Variants in LLPH observed in about 807,000 individuals in gnomAD.
LLPH encodes protein LLP homolog.
In LLPH, 5 loss-of-function variants were observed where a neutral mutation model predicts 13.3. That is an observed-to-expected ratio of 0.38 (90% CI 0.20 to 0.79). The LOEUF (loss-of-function observed/expected upper bound fraction) is 0.79. Ranked by LOEUF, LLPH falls within the 30% of genes least tolerant of loss-of-function variation. LLPH has a pLI of 0.45. For synonymous variants in LLPH, 32 were observed against 44.2 expected, an observed-to-expected ratio of 0.72 and a Z score of 1.09; for missense variants, 129 against 152.1, an observed-to-expected ratio of 0.85 and a Z score of 0.80.
At position 66,120,372 on chromosome 12, in the gene LLPH, A is replaced by G. The variant is rs999751103; in HGVS notation, c.*3468T>C. Reference sequence around the variant, plus strand: ...GGCATTGTAAGAGTATAGGCTCTAGAGCCACACTGCCTAAATTTGAATCCC... The same window carrying G: ...GGCATTGTAAGAGTATAGGCTCTAGGGCCACACTGCCTAAATTTGAATCCC... On this transcript the variant is annotated 3_prime_UTR_variant, in exon 3 of 3. Transcript: ENST00000266604. The G allele has an allele frequency of 2.6e-5, 4 of 152,202 alleles. No homozygotes were observed. Among genetic ancestry groups the G allele is most frequent in the Non-Finnish European group, 4.4e-5 (3 of 68,036 alleles). The allele number at this position is 152,202 out of a possible 1,614,324, so 9.4% of individuals were successfully genotyped here.
chr12:66,128,959 C>T lies in LLPH; in HGVS notation c.148G>A (p.Val50Met), dbSNP rs772927284. 2.0e-5 allele frequency: 33 copies of T among 1,613,448 alleles called. No homozygotes were observed. Among genetic ancestry groups the T allele is most frequent in the Non-Finnish European group, 2.6e-5 (31 of 1,179,640 alleles). Residue 50 changes from valine to methionine, a missense_variant, in exon 2 of 3, where the codon GTG becomes ATG. Transcript: ENST00000266604. ...LMKDVQEIAT[V>M]VVPKPKHCQE... ...CAATGTTTGGGTTTGGGTACCACCA[C>T]AGTTGCTATCTCTTGAACATCTTTC... is the stretch of plus-strand genomic sequence containing the variant.
intron 2 of LLPH, among the ~76,000 whole-genome samples, chr12:66,127,633 C>T (rs1390313021): frequency 6.6e-6 from 1 of 152,090 alleles, no homozygotes; most frequent in African/African-American, 2.4e-5. Flanking sequence ...GAACTGTACA[C>T]TTTAAAATGG....
At chr12:66,126,638 A>C (rs11176048) in intron 2 of LLPH, among the ~76,000 whole-genome samples, 11,687 of 152,180 alleles carry the variant, frequency 0.077, 1,031 homozygotes, top group East Asian at 0.51. Flanking sequence ...TCAGCATATG[A>C]AAAAATGTTC....
At position 66,122,564 on chromosome 12, in the gene LLPH, T is replaced by G. The variant is rs2051469765; in HGVS notation, c.*1276A>C. Reference sequence around the variant, plus strand: ...AGTGAAATTCAGAGGGAATGCTAAGTTTAGATTGCTTAACTAAAAGTAAAA... The same window carrying G: ...AGTGAAATTCAGAGGGAATGCTAAGGTTAGATTGCTTAACTAAAAGTAAAA... On this transcript the variant is annotated 3_prime_UTR_variant, in exon 3 of 3. Coordinates refer to ENST00000266604, the MANE Select transcript of LLPH (RefSeq NM_032338.4). 1 of 152,164 alleles carries G rather than the reference T, an allele frequency of 6.6e-6. No individual in the cohort carries two copies. Among genetic ancestry groups the G allele is most frequent in the South Asian group, 2.1e-4 (1 of 4,830 alleles). 9.4% of individuals were successfully genotyped at this position (152,164 alleles called of 1,614,324 possible).
chr12:66,128,848 CAAAA>C (rs71096072), intron 2 of LLPH, 44 bp downstream of exon 2: 8,133 of 973,640 alleles, frequency 8.4e-3, no homozygotes, highest in Non-Finnish European at 8.9e-3. Flanking sequence ...GACCCTGCCT[CAAAA>C]AAAAAAAAAA....
At position 66,120,347 on chromosome 12, in the gene LLPH, G is replaced by A. The variant is rs2051455287; in HGVS notation, c.*3493C>T. ...TTTGCACATCCTTGAGAGGCAGAAT[G>A]GCATTGTAAGAGTATAGGCTCTAGA... On this transcript the variant is annotated 3_prime_UTR_variant, in exon 3 of 3. Transcript: ENST00000266604. 3 of 152,276 alleles carry A rather than the reference G, an allele frequency of 2.0e-5. No individual in the cohort carries two copies. The highest frequency in any genetic ancestry group is 4.1e-4 in the South Asian group (2 of 4,826). The allele number at this position is 152,276 out of a possible 1,614,324, so 9.4% of individuals were successfully genotyped here. A position where few individuals can be genotyped will look rare whatever the true frequency, so the allele number is the denominator to read the frequency against.
chr12:66,129,157 TA>T, intron 1 of LLPH, 44 bp from the exon 2 acceptor site: 2 of 1,342,770 alleles, frequency 1.5e-6, no homozygotes, highest in Non-Finnish European at 1.0e-6. Context: ...ATCTTTAATA[TA>T]AAAAAGAAAA....
intron 2 of LLPH, among the ~76,000 whole-genome samples, chr12:66,125,143 T>C (rs1346961717): frequency 6.6e-6 from 1 of 152,186 alleles, no homozygotes. Context: ...GGCAGTGATA[T>C]AAACTGATTT....
intron 2 of LLPH, among the ~76,000 whole-genome samples, chr12:66,125,445 G>C (rs1445136995): frequency 6.6e-6 from 1 of 152,108 alleles, no homozygotes; most frequent in African/African-American, 2.4e-5. Context: ...TAGAAATAAG[G>C]AAAAACATGA....
At position 66,122,096 on chromosome 12, in the gene LLPH, T is replaced by C. The variant is rs1284129505; in HGVS notation, c.*1744A>G. On this transcript the variant is annotated 3_prime_UTR_variant, in exon 3 of 3. Coordinates refer to ENST00000266604, the MANE Select transcript of LLPH (RefSeq NM_032338.4). ...TTTCAATTCATATCTTTCTTAGCTGTTAAGAAATTTTAAGCATTTAAAGTT... is the reference window on the plus strand; with the variant it reads ...TTTCAATTCATATCTTTCTTAGCTGCTAAGAAATTTTAAGCATTTAAAGTT... The C allele has an allele frequency of 6.6e-6, 1 of 152,166 alleles. No individual in the cohort carries two copies. The highest frequency in any genetic ancestry group is 1.5e-5 in the Non-Finnish European group (1 of 68,028). 9.4% of individuals were successfully genotyped at this position (152,166 alleles called of 1,614,324 possible). A position where few individuals can be genotyped will look rare whatever the true frequency, so the allele number is the denominator to read the frequency against.
Position 66,124,007 on chromosome 12 carries a change from T to C in LLPH, c.223A>G (p.Met75Val). Residue 75 changes from methionine to valine, a missense_variant, in exon 3 of 3, where the codon ATG becomes GTG. Physicochemically the swap from Met to Val is conservative, Grantham distance 21. Transcript: ENST00000266604. The stretch of plus-strand genomic sequence containing the variant: ...TTGTTTCTCTTAATATCAGTCTCCA[T>C]TTTCATGTCATCTGCATAAAAAGAT... ...EVKDEKDDMK[M>V]ETDIKRNKKT... The C allele has an allele frequency of 2.5e-6, 4 of 1,599,230 alleles. No homozygotes were observed. The South Asian group carries it at 4.6e-5, about 18-fold the overall frequency.
chr12:66,130,084 T>A (rs1019186735), intron 1 of LLPH, among the ~76,000 whole-genome samples: 3 of 151,976 alleles, frequency 2.0e-5, no homozygotes, highest in African/African-American at 7.3e-5. Context: ...CTGTAAAGAG[T>A]CCAAACTATC....
intron 2 of LLPH, among the ~76,000 whole-genome samples, chr12:66,125,533 C>A (rs1224129176): frequency 6.6e-6 from 1 of 152,112 alleles, no homozygotes; most frequent in African/African-American, 2.4e-5. Context: ...CTCAGTCTCA[C>A]CACCCTTTAG....
intron 2 of LLPH, among the ~76,000 whole-genome samples, chr12:66,124,981 C>T (rs1407282339): frequency 6.6e-6 from 1 of 152,048 alleles, no homozygotes; most frequent in Non-Finnish European, 1.5e-5. Flanking sequence ...TCATTTGAGG[C>T]CAGGAGTTCA....
rs148116048 is a variant in LLPH at position 66,118,655 on chromosome 12, G to A, written c.*5185C>T. On this transcript the variant is annotated 3_prime_UTR_variant, in exon 3 of 3. Transcript: ENST00000266604. Reference sequence around the variant, plus strand: ...ATAGGCTATATCACATAGCCTAAGTGTAGTAGACGATACCCTCTAGATTTG... The same window carrying A: ...ATAGGCTATATCACATAGCCTAAGTATAGTAGACGATACCCTCTAGATTTG... The A allele has an allele frequency of 1.4e-3, 213 of 152,290 alleles. 3 individuals carry two copies. The highest frequency in any genetic ancestry group is 4.9e-3 in the African/African-American group (203 of 41,550). 9.4% of individuals were successfully genotyped at this position (152,290 alleles called of 1,614,324 possible).
chr12:66,117,194 T>C lies in LLPH; in HGVS notation c.*6646A>G, dbSNP rs796619573. The C allele has an allele frequency of 1.1e-4, 17 of 152,336 alleles. No individual in the cohort carries two copies. Among genetic ancestry groups the C allele is most frequent in the African/African-American group, 3.8e-4 (16 of 41,582 alleles). 9.4% of individuals were successfully genotyped at this position (152,336 alleles called of 1,614,324 possible). A position where few individuals can be genotyped will look rare whatever the true frequency, so the allele number is the denominator to read the frequency against. On this transcript the variant is annotated 3_prime_UTR_variant, in exon 3 of 3. Transcript: ENST00000266604. ...GGGCTTCGTCCTGAGATAAAAAATATTCAAAAGAAAACTACAGTTGCATCT... is the reference window on the plus strand; with the variant it reads ...GGGCTTCGTCCTGAGATAAAAAATACTCAAAAGAAAACTACAGTTGCATCT...
At chr12:66,129,287 G>A (rs2051518225) in intron 1 of LLPH, among the ~76,000 whole-genome samples, 174 bp from the exon 2 acceptor site, 2 of 152,026 alleles carry the variant, frequency 1.3e-5, no homozygotes, top group Admixed American at 1.3e-4. Context: ...AGATCAACAT[G>A]GTACATACAC....
rs962521554 is a variant in LLPH, at chr12:66,117,299, T to C, written c.*6541A>G. On this transcript the variant is annotated 3_prime_UTR_variant, in exon 3 of 3. Coordinates refer to ENST00000266604, the MANE Select transcript of LLPH (RefSeq NM_032338.4). ...ACAACTATTTACATAGCATTTTCATTGTATTATAAGTAATCTAGAGATGAT... is the reference window on the plus strand; with the variant it reads ...ACAACTATTTACATAGCATTTTCATCGTATTATAAGTAATCTAGAGATGAT... 6.6e-6 allele frequency: 1 copy of C among 152,254 alleles called. No homozygotes were observed. The highest frequency in any genetic ancestry group is 2.4e-5 in the African/African-American group (1 of 41,460). The allele number at this position is 152,254 out of a possible 1,614,324, so 9.4% of individuals were successfully genotyped here.
intron 1 of LLPH, chr12:66,130,482 G>C (rs917202452): frequency 7.9e-5 from 12 of 152,332 alleles, no homozygotes; most frequent in East Asian, 5.8e-4. Context: ...AACTTCAGCG[G>C]GAGTGAACGA....
Sources: gnomAD v4.1 joint callset for allele counts (sites outside exome capture counted in the v4.1 genomes callset) on GRCh38, gnomAD v4.1.1 for gene constraint, MANE v1.5 for transcripts, NCBI Gene and HGNC (gene_info 2026-07-23, HGNC 2026-07-21) for gene names.